Variants in PCDHGA5 observed in about 807,000 individuals in gnomAD.
The protein encoded by PCDHGA5 is protocadherin gamma-A5.
Under a neutral mutation model 56.7 loss-of-function variants are expected in PCDHGA5, and 36 were observed. The observed-to-expected ratio is 0.64, with a 90% CI of 0.49 to 0.84. PCDHGA5 has a LOEUF of 0.84. Among genes scored for constraint, PCDHGA5 ranks in the 40% least tolerant of loss-of-function variants. The probability of loss-of-function intolerance (pLI) is 0.00; values close to 1 mark genes in which losing one functional copy is unlikely to be tolerated. For synonymous variants in PCDHGA5, 563 were observed against 520.2 expected (o/e 1.08, Z -1.12); for missense variants, 1,305 against 1,201.5 (o/e 1.09, Z -1.27).
Position 141,487,613 on chromosome 5 carries a change from G to C in PCDHGA5, c.2422-7194G>C, listed in dbSNP as rs1460090760. 1 of 1,614,218 alleles carries C rather than the reference G, an allele frequency of 6.2e-7. No homozygotes were observed. ...ACCCTCTGATCTTCTCTATGGGCTA[G>C]AGGTGAGACCTTTGCAGGCTCAACA... On this transcript the variant is annotated intron_variant, in intron 1 of 3. Coordinates refer to ENST00000518069, the MANE Select transcript of PCDHGA5 (RefSeq NM_018918.3). The surrounding 1 kb of genome is among the most constrained non-coding windows in gnomAD (Gnocchi z 5.0).
rs2099605934 is a variant in PCDHGA5, at chr5:141,485,057, C to G, written c.2422-9750C>G. On this transcript the variant is annotated intron_variant, in intron 1 of 3. Transcript: ENST00000518069. The surrounding 1 kb of genome is among the most constrained non-coding windows in gnomAD (Gnocchi z 5.7). ...GTAACCCTTGCGGCGCCGGCCGAAC[C>G]GCGCCAGAGCTGGCGCGGGGAAAGG... The G allele has an allele frequency of 1.2e-6, 1 of 843,720 alleles. No homozygotes were observed. Among genetic ancestry groups the G allele is most frequent in the Non-Finnish European group, 1.9e-6 (1 of 524,586 alleles). 52.3% of individuals were successfully genotyped at this position (843,720 alleles called of 1,614,324 possible).
intron 1 of PCDHGA5, chr5:141,418,959 C>A: frequency 6.2e-7 from 1 of 1,613,976 alleles, no homozygotes; most frequent in East Asian, 2.2e-5. Flanking sequence ...GTGGTTGTTG[C>A]CCTCTTCAAA....
intron 1 of PCDHGA5, chr5:141,441,209 G>A (rs1276958461): frequency 1.3e-5 from 2 of 152,158 alleles, no homozygotes; most frequent in East Asian, 3.9e-4. Flanking sequence ...TCTGCACCTT[G>A]GACAGTAATC....
chr5:141,501,013 C>A (rs1456343329), intron 2 of PCDHGA5, among the ~76,000 whole-genome samples: 6 of 151,970 alleles, frequency 3.9e-5, no homozygotes, highest in Non-Finnish European at 8.8e-5. Flanking sequence ...GGACTACAGG[C>A]ACGCGCCACC....
chr5:141,406,258 G>A (rs895877034), intron 1 of PCDHGA5, among the ~76,000 whole-genome samples: 2 of 151,882 alleles, frequency 1.3e-5, no homozygotes, highest in African/African-American at 4.8e-5. Context: ...GGTCTCAAAC[G>A]ATCTTCCTGC....
intron 1 of PCDHGA5, among the ~76,000 whole-genome samples, chr5:141,436,522 C>T (rs933890051): frequency 3.9e-5 from 6 of 152,088 alleles, no homozygotes; most frequent in African/African-American, 1.4e-4. Context: ...ACTGTGTCAC[C>T]TTTAGCAAGT....
At chr5:141,480,702 C>T (rs1455955207) in intron 1 of PCDHGA5, among the ~76,000 whole-genome samples, 1 of 152,170 alleles carries the variant, frequency 6.6e-6, no homozygotes, top group African/African-American at 2.4e-5. Context: ...AGGCCACACC[C>T]CGACAAATGA....
chr5:141,388,094 G>A (rs2091235940), intron 1 of PCDHGA5: 1 of 1,377,208 alleles, frequency 7.3e-7, no homozygotes, highest in Non-Finnish European at 1.0e-6. Flanking sequence ...GCGTCAGTTC[G>A]GAGAAGCCTT....
chr5:141,460,333 G>A (rs2098986532), intron 1 of PCDHGA5, among the ~76,000 whole-genome samples: 1 of 152,056 alleles, frequency 6.6e-6, no homozygotes, highest in African/African-American at 2.4e-5. Context: ...AACTTATGAT[G>A]ATTTTCTCCT....
At chr5:141,419,542 G>C (rs771168003) in intron 1 of PCDHGA5, 3 of 1,612,016 alleles carry the variant, frequency 1.9e-6, no homozygotes, top group South Asian at 2.2e-5. Flanking sequence ...ACGCACCGCG[G>C]GTGCTGTACC....
chr5:141,481,897 G>A (rs916673176), intron 1 of PCDHGA5, among the ~76,000 whole-genome samples: 3 of 128,712 alleles, frequency 2.3e-5, no homozygotes, highest in South Asian at 5.0e-4. Context: ...CTGGGTGAAA[G>A]AGCGAAACTC....
In PCDHGA5 at chr5:141,510,932, CCT is replaced by C. The variant is rs753455267; in HGVS notation, c.2570-12_2570-11del. 6 of 1,613,998 alleles carry C rather than the reference CCT, an allele frequency of 3.7e-6. No homozygotes were observed. The highest frequency in any genetic ancestry group is 1.1e-5 in the South Asian group (1 of 91,082). ...CTAAGTTTAGCTCCCACCTGATCTTCCTCTGTCTCTGCAGAAGCTGCTGATGG... is the reference window on the plus strand; with the variant it reads ...CTAAGTTTAGCTCCCACCTGATCTTCCTGTCTCTGCAGAAGCTGCTGATGG... On this transcript the variant is annotated splice_polypyrimidine_tract_variant and intron_variant, in intron 3 of 3. Coordinates refer to ENST00000518069, the MANE Select transcript of PCDHGA5 (RefSeq NM_018918.3).
intron 1 of PCDHGA5, among the ~76,000 whole-genome samples, chr5:141,406,577 A>T (rs558329088): frequency 6.6e-6 from 1 of 152,274 alleles, no homozygotes; most frequent in South Asian, 2.1e-4. Context: ...TAGTAAACCA[A>T]TTTTTTCCCT....
intron 1 of PCDHGA5, chr5:141,428,219 T>C (rs749413221): frequency 8.4e-7 from 1 of 1,195,778 alleles, no homozygotes. Context: ...CACCTAGTCT[T>C]CGCAGACAGC....
At position 141,431,118 on chromosome 5, in the gene PCDHGA5, A is replaced by C; in HGVS notation, c.2422-63689A>C. On this transcript the variant is annotated intron_variant, in intron 1 of 3. Coordinates refer to ENST00000518069, the MANE Select transcript of PCDHGA5 (RefSeq NM_018918.3). The surrounding 1 kb of genome is among the most constrained non-coding windows in gnomAD (Gnocchi z 4.8). ...GATAAAGTGAAAATATATGGAGTAG[A>C]AGTAGAAGTAAGGGACATTAACGAC... 6.2e-7 allele frequency: 1 copy of C among 1,614,182 alleles called. No individual in the cohort carries two copies. Among genetic ancestry groups the C allele is most frequent in the Non-Finnish European group, 8.5e-7 (1 of 1,179,974 alleles).
At chr5:141,450,829 A>T (rs187691791) in intron 1 of PCDHGA5, among the ~76,000 whole-genome samples, 19,077 of 135,014 alleles carry the variant, frequency 0.14, 1,595 homozygotes, top group African/African-American at 0.24. Context: ...TATTATTATT[A>T]TTTTTTTTTT....
At chr5:141,373,914 G>C (rs1769957437) in intron 1 of PCDHGA5, 1 of 640,042 alleles carries the variant, frequency 1.6e-6, no homozygotes, top group African/African-American at 1.9e-5. Flanking sequence ...CAACAACAAA[G>C]CAAATTAGAC....
At position 141,432,432 on chromosome 5, in the gene PCDHGA5, A is replaced by G. The variant is rs1431760497; in HGVS notation, c.2422-62375A>G. On this transcript the variant is annotated intron_variant, in intron 1 of 3. Transcript: ENST00000518069. This position sits in a 1 kb window ranked among gnomAD's most constrained non-coding sequence, Gnocchi z 6.0. ...CTGTTCGTGCTGGACCAGAACGACA[A>G]TGCGCCCGAGATCCTGTACCCCGCC... The G allele has an allele frequency of 2.5e-6, 4 of 1,614,156 alleles. No homozygotes were observed. Among genetic ancestry groups the G allele is most frequent in the Non-Finnish European group, 3.4e-6 (4 of 1,180,028 alleles).
Position 141,431,789 on chromosome 5 carries a change from G to A in PCDHGA5, c.2422-63018G>A, listed in dbSNP as rs760507500. On this transcript the variant is annotated intron_variant, in intron 1 of 3. Coordinates refer to ENST00000518069, the MANE Select transcript of PCDHGA5 (RefSeq NM_018918.3). This position sits in a 1 kb window ranked among gnomAD's most constrained non-coding sequence, Gnocchi z 4.8. ...CACTGTTCTGGACGTGAACGACAATGCCCCAGAAGTGGTCCTCACCTCTCT... is the reference window on the plus strand; with the variant it reads ...CACTGTTCTGGACGTGAACGACAATACCCCAGAAGTGGTCCTCACCTCTCT... 7.4e-6 allele frequency: 12 copies of A among 1,614,096 alleles called. No homozygotes were observed. The highest frequency in any genetic ancestry group is 5.9e-6 in the Non-Finnish European group (7 of 1,180,042).
Sources: gnomAD v4.1 joint callset for allele counts (sites outside exome capture counted in the v4.1 genomes callset) on GRCh38, gnomAD v4.1.1 for gene constraint, Gnocchi (gnomAD v3.1) non-coding constraint, MANE v1.5 for transcripts, NCBI Gene and HGNC (gene_info 2026-07-23, HGNC 2026-07-21) for gene names.